PBX1: variants seen among roughly 807,000 people sequenced by gnomAD.
PBX1 encodes PBX homeobox 1, also known as pre-B-cell leukemia transcription factor 1.
PBX1 carries 6 observed loss-of-function variants against 53.4 expected under a neutral mutation model. The observed-to-expected ratio is 0.11, with a 90% CI of 0.06 to 0.22. The LOEUF is 0.22. Among genes scored for constraint, PBX1 ranks in the 10% least tolerant of loss-of-function variants. PBX1 has a pLI of 1.00. For missense variants in PBX1, 251 were observed against 551.4 expected (o/e 0.46, Z 5.46); for synonymous variants, 204 against 212.3 (o/e 0.96, Z 0.34).
intron 2 of PBX1, among the ~76,000 whole-genome samples, chr1:164,571,512 A>G (rs1056599973): frequency 1.3e-5 from 2 of 151,038 alleles, no homozygotes; most frequent in Admixed American, 6.6e-5. Flanking sequence ...TGTAGCATCT[A>G]TCAGTACTTC....
At chr1:164,576,406 C>T (rs1237933330) in intron 2 of PBX1, among the ~76,000 whole-genome samples, 2 of 152,288 alleles carry the variant, frequency 1.3e-5, no homozygotes, top group Non-Finnish European at 2.9e-5. Context: ...GCCGGCGCGG[C>T]GCCGCGTCGC....
chr1:164,704,795 A>C (rs1321358425), intron 2 of PBX1, among the ~76,000 whole-genome samples: 1 of 152,138 alleles, frequency 6.6e-6, no homozygotes, highest in Non-Finnish European at 1.5e-5. Context: ...TTTTTCCTAA[A>C]ATCCTTGCTG....
chr1:164,724,797 T>A (rs530527276), intron 2 of PBX1, among the ~76,000 whole-genome samples: 6 of 149,932 alleles, frequency 4.0e-5, no homozygotes, highest in Non-Finnish European at 7.4e-5. Context: ...TCTAAACCAC[T>A]CTTCCTTTCT....
intron 2 of PBX1, among the ~76,000 whole-genome samples, chr1:164,729,191 A>G (rs1229524733): frequency 6.6e-6 from 1 of 152,256 alleles, no homozygotes; most frequent in African/African-American, 2.4e-5. Flanking sequence ...ATGTGGTTGA[A>G]TTCTTACAGT....
At chr1:164,567,306 C>A (rs1653502835) in intron 2 of PBX1, among the ~76,000 whole-genome samples, 1 of 152,060 alleles carries the variant, frequency 6.6e-6, no homozygotes, top group Non-Finnish European at 1.5e-5. Context: ...AACTTTAAAC[C>A]ATTTAGAAGC....
At position 164,847,406 on chromosome 1, in the gene PBX1, C is replaced by G. The variant is rs995728529; in HGVS notation, c.*730C>G. On this transcript the variant is annotated 3_prime_UTR_variant, in exon 9 of 9. Transcript: ENST00000420696. ...CAGGCAGCAGGGAAGGACACGGGAA[C>G]AGCAGGTGGAGAATTCCTACAGTCT... 108 of 1,064,238 alleles carry G rather than the reference C, an allele frequency of 1.0e-4. No homozygotes were observed. Among genetic ancestry groups the G allele is most frequent in the Non-Finnish European group, 1.2e-4 (107 of 878,668 alleles). The allele number at this position is 1,064,238 out of a possible 1,614,324, so 65.9% of individuals were successfully genotyped here.
chr1:164,709,354 T>C (rs912922392), intron 2 of PBX1, among the ~76,000 whole-genome samples: 3 of 152,092 alleles, frequency 2.0e-5, no homozygotes, highest in Admixed American at 6.5e-5. Flanking sequence ...TCACTCGAAA[T>C]TGTGCAAGGA....
chr1:164,697,811 C>G (rs1662877191), intron 2 of PBX1, among the ~76,000 whole-genome samples: 1 of 152,136 alleles, frequency 6.6e-6, no homozygotes, highest in African/African-American at 2.4e-5. Context: ...ATCACCTCCC[C>G]CGACCAAAGA....
At chr1:164,661,900 A>C (rs1250019985) in intron 2 of PBX1, among the ~76,000 whole-genome samples, 1 of 152,194 alleles carries the variant, frequency 6.6e-6, no homozygotes, top group Non-Finnish European at 1.5e-5. Flanking sequence ...AAAAACAGGA[A>C]AAAAAGGACT....
chr1:164,566,788 G>T (rs1213739722), intron 2 of PBX1, among the ~76,000 whole-genome samples: 1 of 152,132 alleles, frequency 6.6e-6, no homozygotes, highest in Non-Finnish European at 1.5e-5. Flanking sequence ...TTTATAGATA[G>T]CAATGAATAG....
At chr1:164,722,249 T>A (rs1664454532) in intron 2 of PBX1, among the ~76,000 whole-genome samples, 1 of 152,164 alleles carries the variant, frequency 6.6e-6, no homozygotes, top group Admixed American at 6.5e-5. Context: ...CCCATTTGGA[T>A]CCTCATTTTT....
intron 2 of PBX1, among the ~76,000 whole-genome samples, chr1:164,756,148 T>A (rs1274923667): frequency 6.6e-6 from 1 of 152,192 alleles, no homozygotes; most frequent in Non-Finnish European, 1.5e-5. Context: ...AGAAGGGGAT[T>A]ATTTGCACTG....
rs1193036438 is a variant in PBX1, at chr1:164,730,865, T to C, written c.266-61629T>C. ...TTTTTTGTCTTTTTAAGATTTGCCA[T>C]CACCCATCTGTAGATGGTGGCATTT... On this transcript the variant is annotated intron_variant, in intron 2 of 8. Coordinates refer to ENST00000420696, the MANE Select transcript of PBX1 (RefSeq NM_002585.4). Among the ~76,000 whole-genome samples the C allele has an allele frequency of 3.3e-5, 5 of 152,366 alleles. No individual in the cohort carries two copies. The East Asian group carries it at 5.8e-4, about 18-fold the overall frequency.
intron 2 of PBX1, among the ~76,000 whole-genome samples, chr1:164,606,530 A>G (rs908381337): frequency 4.6e-5 from 7 of 152,210 alleles, no homozygotes; most frequent in African/African-American, 7.2e-5. Context: ...GAGCTGAGGT[A>G]GCGCCGCTGC....
intron 2 of PBX1, among the ~76,000 whole-genome samples, chr1:164,676,387 G>C (rs540841529): frequency 6.6e-6 from 1 of 152,094 alleles, no homozygotes; most frequent in African/African-American, 2.4e-5. Flanking sequence ...GTGAACCAAG[G>C]TGTGAAAGTA....
At chr1:164,672,083 T>C (rs1160636149) in intron 2 of PBX1, among the ~76,000 whole-genome samples, 1 of 151,128 alleles carries the variant, frequency 6.6e-6, no homozygotes, top group East Asian at 1.9e-4. Context: ...ACACCACATA[T>C]ACAGCCCTCC....
At chr1:164,659,930 T>C (rs1387000829) in intron 2 of PBX1, among the ~76,000 whole-genome samples, 1 of 152,226 alleles carries the variant, frequency 6.6e-6, no homozygotes, top group African/African-American at 2.4e-5. Context: ...TTTTCTGAGC[T>C]TGATTCTCCA....
At chr1:164,830,892 A>G (rs1178506350) in intron 8 of PBX1, among the ~76,000 whole-genome samples, 1 of 152,164 alleles carries the variant, frequency 6.6e-6, no homozygotes. Context: ...AGATGCTACA[A>G]TTTAACGAGA....
rs1671625158 is a variant in PBX1, at chr1:164,847,360, G to A, written c.*684G>A. On this transcript the variant is annotated 3_prime_UTR_variant, in exon 9 of 9. Coordinates refer to ENST00000420696, the MANE Select transcript of PBX1 (RefSeq NM_002585.4). ...CATTTTTCAGTTTCATCTCCACTAG[G>A]TTGGTTCCCGGGCAGGAAGTCAGGC... 3.9e-5 allele frequency: 42 copies of A among 1,064,654 alleles called. No homozygotes were observed. The highest frequency in any genetic ancestry group is 4.8e-5 in the Non-Finnish European group (42 of 878,950). 66.0% of individuals were successfully genotyped at this position (1,064,654 alleles called of 1,614,324 possible). A position where few individuals can be genotyped will look rare whatever the true frequency, so the allele number is the denominator to read the frequency against.
Sources: allele counts gnomAD v4.1 joint callset (sites outside exome capture counted in the v4.1 genomes callset), GRCh38; gene constraint gnomAD v4.1.1; transcripts MANE v1.5; gene names NCBI Gene and HGNC (gene_info 2026-07-23, HGNC 2026-07-21).